The following NUTM1 variants were observed in gnomAD, a reference collection of about 807,000 sequenced individuals.
The protein encoded by NUTM1 is NUT midline carcinoma family member 1, also known as NUT family member 1.
NUTM1 carries 39 observed loss-of-function variants against 88.7 expected under a neutral mutation model. The ratio of observed to expected loss-of-function variants is 0.44; its 90% CI spans 0.34 to 0.57. NUTM1 has a LOEUF of 0.57. Ranked by LOEUF, NUTM1 falls within the 20% of genes least tolerant of loss-of-function variation. NUTM1 has a pLI of 0.01. For synonymous variants in NUTM1, 494 were observed against 538.0 expected (o/e 0.92, Z 1.13); for missense variants, 1,350 against 1,414.5 (o/e 0.95, Z 0.73).
In NUTM1 at chr15:34,355,791, C is replaced by T; in HGVS notation, c.1783C>T (p.Pro595Ser). 1.2e-6 allele frequency: 2 copies of T among 1,614,214 alleles called. No homozygotes were observed. Among genetic ancestry groups the T allele is most frequent in the African/African-American group, 2.7e-5 (2 of 75,072 alleles). The change falls in exon 8 of 8, where the codon CCA (proline) becomes TCA (serine). Residue 595 changes from proline (P) to serine (S), a missense_variant. Around this residue, in one of 5 missense-constraint regions of NUTM1, gnomAD observed 730 missense variants for 728.8 expected, o/e 1.00. Transcript: ENST00000537011. The surrounding 1 kb of genome is among the most constrained non-coding windows in gnomAD (Gnocchi z 4.3). ...LPSPSSWDLQ[P>S]ELAAPQGTPG... ...ATCCCCCAGCAGCTGGGACCTGCAG[C>T]CAGAACTTGCAGCTCCACAGGGAAC...
rs533270868 is a variant in NUTM1 at position 34,345,437 on chromosome 15, C to T, written c.7-505C>T. 1.1e-4 allele frequency among the ~76,000 whole-genome samples: 17 copies of T among 152,280 alleles called. No homozygotes were observed. In the East Asian group the frequency reaches 2.5e-3, roughly 22 times the overall value. On this transcript the variant is annotated intron_variant, in intron 1 of 7. Coordinates refer to ENST00000537011, the MANE Select transcript of NUTM1 (RefSeq NM_001284292.2). ...AAGGAAATGATGTGCACACAGCAAT[C>T]GAGCACCTTGGATCATCTGACAATT...
At position 34,348,342 on chromosome 15, in the gene NUTM1, A is replaced by C. The variant is rs765632741; in HGVS notation, c.474A>C (p.Ala158=). 1.2e-6 allele frequency: 2 copies of C among 1,614,136 alleles called. No homozygotes were observed. Among genetic ancestry groups the C allele is most frequent in the Non-Finnish European group, 8.5e-7 (1 of 1,180,038 alleles). ...CCTGTGGAGGCCTTGAGGGTCCTGC[A>C]CCTCCATTTGTGACAGCATCTAATG... The part of the protein sequence containing the change: ...GTPCGGLEGP[A]PPFVTASNVK... Residue 158 remains alanine (A), a synonymous_variant, in exon 3 of 8, where the codon GCA becomes GCC. Transcript: ENST00000537011.
At position 34,354,534 on chromosome 15, in the gene NUTM1, C is replaced by CA; in HGVS notation, c.1166dup (p.Glu390GlyfsTer12). 4 of 1,614,118 alleles carry CA rather than the reference C, an allele frequency of 2.5e-6. No homozygotes were observed. The highest frequency in any genetic ancestry group is 3.4e-6 in the Non-Finnish European group (4 of 1,179,982). ...AGAGACCTCCTGCTCCTGAGGCACCCAAGGAGATCCCACCAGAAGCTGTGA... is the reference window on the plus strand; with the variant it reads ...AGAGACCTCCTGCTCCTGAGGCACCCAAAGGAGATCCCACCAGAAGCTGTGA... On this transcript the variant is annotated frameshift_variant, in exon 6 of 8. Transcript: ENST00000537011. LOFTEE classifies it high-confidence loss of function.
rs10671676 is a variant in NUTM1, at chr15:34,346,881, TAAAAAAAAA to T, written c.100+864_100+872del. Reference sequence around the variant, plus strand: ...ATGGGCCACAGAGCAAGACTCCATCTAAAAAAAAAAAAAAAAAAAAAAAAAAGCAGCACT... The same window carrying T: ...ATGGGCCACAGAGCAAGACTCCATCTAAAAAAAAAAAAAAAAAGCAGCACT... On this transcript the variant is annotated intron_variant, in intron 2 of 7. Transcript: ENST00000537011. 3.5e-4 allele frequency among the ~76,000 whole-genome samples: 12 copies of T among 34,324 alleles called. No homozygotes were observed. In the South Asian group the frequency reaches 0.014, roughly 40 times the overall value. 22.5% of individuals were successfully genotyped at this position (34,324 alleles called of 152,430 possible).
chr15:34,355,455 G>A lies in NUTM1; in HGVS notation c.1480-33G>A, dbSNP rs74010082. 8.3e-4 allele frequency: 1,340 copies of A among 1,612,688 alleles called. 5 individuals carry two copies. In the African/African-American group the frequency reaches 0.015, roughly 19 times the overall value. ...ACTCAGCCACCTCTTTCACAACCAC[G>A]TATAGAACTGACTATTTGTTCATTT... On this transcript the variant is annotated intron_variant, in intron 7 of 7. Transcript: ENST00000537011. The surrounding 1 kb of genome is among the most constrained non-coding windows in gnomAD (Gnocchi z 4.3).
In NUTM1 at chr15:34,357,484, G is replaced by A; in HGVS notation, c.3476G>A (p.Ser1159Asn). 1 of 1,612,970 alleles carries A rather than the reference G, an allele frequency of 6.2e-7. No homozygotes were observed. Residue 1159 changes from serine to asparagine, a missense_variant, in exon 8 of 8, where the codon AGC becomes AAC. By Grantham distance (46) the Ser-to-Asn change is conservative. Around this residue, in one of 5 missense-constraint regions of NUTM1, gnomAD observed 730 missense variants for 728.8 expected, o/e 1.00. Transcript: ENST00000537011. ...VTGRRKKRRR[S>N]Q ...GGCAGAAGGAAGAAACGACGTCGTA[G>A]CCAGTAGGGAGCAGCGGGACCATCT... is the stretch of plus-strand genomic sequence containing the variant.
At chr15:34,353,654 G>T in intron 4 of NUTM1, 82 bp from the exon 5 acceptor site, 1 of 1,544,468 alleles carries the variant, frequency 6.5e-7, no homozygotes, top group Non-Finnish European at 8.9e-7. Flanking sequence ...TTCCTTTCTT[G>T]GCCATGCTTG....
chr15:34,353,839 G>A lies in NUTM1; in HGVS notation c.1042G>A (p.Gly348Arg), dbSNP rs78882870. Residue 348 changes from glycine to arginine, a missense_variant, in exon 5 of 8, where the codon GGG becomes AGG. By Grantham distance (125) the Gly-to-Arg change is moderately radical (BLOSUM62 -2). Coordinates refer to ENST00000537011, the MANE Select transcript of NUTM1 (RefSeq NM_001284292.2). ...PATPLKLDPL[G>R]PLASEVCQQP... is the part of the protein sequence containing the mutation. ...AACCCCTTTGAAACTTGATCCTCTA[G>A]GGCCCCTGGCCTCTGAGGTTTGCCA... is the stretch of plus-strand genomic sequence containing the variant. 74 of 1,613,906 alleles carry A rather than the reference G, an allele frequency of 4.6e-5. 1 individual carries two copies. Among genetic ancestry groups the A allele is most frequent in the Non-Finnish European group, 6.0e-5 (71 of 1,180,022 alleles).
intron 4 of NUTM1, 62 bp downstream of exon 4, chr15:34,350,894 G>T: frequency 6.3e-7 from 1 of 1,596,128 alleles, no homozygotes; most frequent in Non-Finnish European, 8.6e-7. Flanking sequence ...AGTAAGGGCC[G>T]CAGAGAGACT....
chr15:34,354,414 C>G (rs1240887123), intron 5 of NUTM1, 32 bp from the exon 6 acceptor site: 2 of 1,608,338 alleles, frequency 1.2e-6, no homozygotes, highest in South Asian at 1.1e-5. Flanking sequence ...TTCTGTGCTA[C>G]TTCCCATTCT....
rs1890762405 is a variant in NUTM1 at position 34,354,474 on chromosome 15, G to C, written c.1104G>C (p.Lys368Asn). The C allele has an allele frequency of 6.2e-7, 1 of 1,614,106 alleles. No individual in the cohort carries two copies. Among genetic ancestry groups the C allele is most frequent in the Non-Finnish European group, 8.5e-7 (1 of 1,180,018 alleles). The change falls in exon 6 of 8, where the codon AAG (lysine) becomes AAC (asparagine). Residue 368 changes from lysine to asparagine, a missense_variant. Physicochemically the swap from Lys to Asn is moderately conservative, Grantham distance 94. Transcript: ENST00000537011. ...ACATTCCGAAGAAGGCAGCCTCCAA[G>C]ACACGGGCCCCCCGCCGGCGTCAGC... ...PVYIPKKAAS[K>N]TRAPRRRQRK...
intron 1 of NUTM1, among the ~76,000 whole-genome samples, chr15:34,344,944 G>C (rs573921140): frequency 1.6e-4 from 24 of 152,214 alleles, no homozygotes; most frequent in African/African-American, 5.8e-4. Context: ...CGTGAACCCG[G>C]AAGGCGGAGC....
chr15:34,347,552 C>T (rs1203258976), intron 2 of NUTM1, among the ~76,000 whole-genome samples: 1 of 152,026 alleles, frequency 6.6e-6, no homozygotes, highest in Non-Finnish European at 1.5e-5. Context: ...ACCACCGTGC[C>T]CGGCCTCTAC....
At chr15:34,348,964 C>T (rs944187713) in intron 3 of NUTM1, among the ~76,000 whole-genome samples, 2 of 152,132 alleles carry the variant, frequency 1.3e-5, no homozygotes, top group African/African-American at 4.8e-5. Flanking sequence ...AAGACTGAAA[C>T]CAAGGACCAG....
chr15:34,353,985 GGA>G, intron 5 of NUTM1, 113 bp downstream of exon 5: 2 of 1,228,862 alleles, frequency 1.6e-6, no homozygotes, highest in Non-Finnish European at 2.3e-6. Flanking sequence ...CTTTCCCTCT[GGA>G]GAGTGGCATT....
At chr15:34,354,215 C>G (rs1890757814) in intron 5 of NUTM1, among the ~76,000 whole-genome samples, 1 of 152,186 alleles carries the variant, frequency 6.6e-6, no homozygotes, top group Non-Finnish European at 1.5e-5. Context: ...CTTAGACCCT[C>G]TAGGTCCTAA....
intron 4 of NUTM1, among the ~76,000 whole-genome samples, chr15:34,351,959 C>A (rs925462380): frequency 6.6e-6 from 1 of 151,476 alleles, no homozygotes; most frequent in African/African-American, 2.4e-5. Context: ...CACCTGAGGT[C>A]GGGAGTTCGA....
chr15:34,353,975 CT>C (rs1426438804), intron 5 of NUTM1, 103 bp downstream of exon 5: 1 of 1,320,352 alleles, frequency 7.6e-7, no homozygotes, highest in African/African-American at 1.5e-5. Flanking sequence ...GGCTCTGCCA[CT>C]TTCCCTCTGG....
intron 3 of NUTM1, 67 bp from the exon 4 acceptor site, chr15:34,350,637 T>G: frequency 2.6e-6 from 4 of 1,563,868 alleles, no homozygotes; most frequent in South Asian, 2.4e-5. Flanking sequence ...GTGTTATTGA[T>G]GTAGGTGTCA....
Sources: gnomAD v4.1 joint callset for allele counts (sites outside exome capture counted in the v4.1 genomes callset) on GRCh38, gnomAD v4.1.1 for gene constraint, gnomAD v4.1.1 regional missense constraint, Gnocchi (gnomAD v3.1) non-coding constraint, MANE v1.5 for transcripts, NCBI Gene and HGNC (gene_info 2026-07-23, HGNC 2026-07-21) for gene names.